ROBO2: variants seen among roughly 807,000 people sequenced by gnomAD.
The protein encoded by ROBO2 is roundabout guidance receptor 2, also known as roundabout homolog 2.
ROBO2 carries 53 observed loss-of-function variants against 160.8 expected under a neutral mutation model. The ratio of observed to expected loss-of-function variants is 0.33; its 90% confidence interval spans 0.26 to 0.41. The LOEUF is 0.41. Ranked by LOEUF, ROBO2 falls within the 10% of genes least tolerant of loss-of-function variation. ROBO2 has a pLI of 1.00. For synonymous variants in ROBO2, 664 were observed against 611.7 expected (o/e 1.09, Z -1.26); for missense variants, 1,577 against 1,722.4 (o/e 0.92, Z 1.49).
intron 2 of ROBO2, among the ~76,000 whole-genome samples, chr3:76,141,145 CTCTCTCTCTCTCTCTATATATATA>C (rs1360790219): frequency 5.1e-5 from 3 of 59,282 alleles, no homozygotes; most frequent in African/African-American, 2.2e-4. Context: ...CTCTCTCTCT[CTCTCTCTCTCTCTCTATATATATA>C]TATATATATA....
rs116702046 is a variant in ROBO2, at chr3:77,594,707, C to T, written c.2684-435C>T. ...TGTTTTTCTTGTTTCATTAGAACGA[C>T]GTAACATGTTGGAACTTTCCTGTTT... On this transcript the variant is annotated intron_variant, in intron 17 of 25. Transcript: ENST00000461745. 3.7e-3 allele frequency among the ~76,000 whole-genome samples: 567 copies of T among 152,210 alleles called. 4 individuals carry two copies. The highest frequency in any genetic ancestry group is 0.012 in the African/African-American group (511 of 41,570).
At position 77,127,628 on chromosome 3, in the gene ROBO2, C is replaced by T. The variant is rs577952302; in HGVS notation, c.388+29288C>T. Among the ~76,000 whole-genome samples, 100 of 152,042 alleles carry T rather than the reference C, an allele frequency of 6.6e-4. 1 individual carries two copies. The South Asian group carries it at 7.5e-3, about 11-fold the overall frequency. On this transcript the variant is annotated intron_variant, in intron 2 of 25. Coordinates refer to ENST00000461745, the Ensembl canonical transcript of ROBO2. The stretch of plus-strand genomic sequence containing the variant: ...AAATATCTATTGGGTATTTCTTATC[C>T]GCTAGTAAACTTAAAAAAGGTGTTC...
intron 2 of ROBO2, among the ~76,000 whole-genome samples, chr3:76,157,072 G>C (rs1166275168): frequency 2.0e-5 from 3 of 152,164 alleles, no homozygotes; most frequent in African/African-American, 4.8e-5. Context: ...TGAACAGAGA[G>C]AATTGATATC....
chr3:76,318,977 T>C (rs1180404401), intron 2 of ROBO2, among the ~76,000 whole-genome samples: 1 of 152,136 alleles, frequency 6.6e-6, no homozygotes, highest in Non-Finnish European at 1.5e-5. Flanking sequence ...TTTTAGCTGT[T>C]AAGGATTTTA....
intron 2 of ROBO2, among the ~76,000 whole-genome samples, chr3:76,833,847 T>C (rs1341460082): frequency 1.3e-5 from 2 of 152,196 alleles, no homozygotes; most frequent in Non-Finnish European, 2.9e-5. Context: ...TTAAAATGAA[T>C]TGAAATGCTT....
At chr3:76,843,840 A>G (rs2068526319) in intron 2 of ROBO2, among the ~76,000 whole-genome samples, 1 of 152,100 alleles carries the variant, frequency 6.6e-6, no homozygotes, top group South Asian at 2.1e-4. Flanking sequence ...TTTGCTGGAC[A>G]CAACTCTCAT....
chr3:76,362,991 G>A (rs1457775112), intron 2 of ROBO2, among the ~76,000 whole-genome samples: 1 of 151,882 alleles, frequency 6.6e-6, no homozygotes, highest in African/African-American at 2.4e-5. Flanking sequence ...CCTTTATTTC[G>A]ATGTTTCTTT....
At chr3:77,468,325 T>C (rs1435641188) in intron 2 of ROBO2, among the ~76,000 whole-genome samples, 2 of 152,166 alleles carry the variant, frequency 1.3e-5, no homozygotes, top group Non-Finnish European at 2.9e-5. Context: ...GAGACAGGCC[T>C]AGAGTCTGCC....
chr3:77,242,380 C>T (rs762459182), intron 2 of ROBO2, among the ~76,000 whole-genome samples: 16 of 151,878 alleles, frequency 1.1e-4, no homozygotes, highest in Non-Finnish European at 2.2e-4. Flanking sequence ...ACATCTTCCA[C>T]TGAAAAGAAA....
chr3:77,026,805 A>G (rs1384463673), intron 2 of ROBO2, among the ~76,000 whole-genome samples: 3 of 152,202 alleles, frequency 2.0e-5, no homozygotes, highest in African/African-American at 4.8e-5. Flanking sequence ...AAAAATTGTT[A>G]AGTGAATTGA....
chr3:76,618,845 A>T (rs1578586338), intron 2 of ROBO2, among the ~76,000 whole-genome samples: 1 of 151,864 alleles, frequency 6.6e-6, no homozygotes, highest in South Asian at 2.1e-4. Context: ...TAATTTTACT[A>T]TGTCACTATA....
At chr3:77,064,638 G>A (rs899245803) in intron 1 of ROBO2, among the ~76,000 whole-genome samples, 1 of 152,154 alleles carries the variant, frequency 6.6e-6, no homozygotes, top group Non-Finnish European at 1.5e-5. Context: ...TGGCATTAAG[G>A]TGTGAGCCAA....
chr3:77,397,387 T>C (rs2075380343), intron 2 of ROBO2, among the ~76,000 whole-genome samples: 1 of 152,180 alleles, frequency 6.6e-6, no homozygotes, highest in African/African-American at 2.4e-5. Context: ...GAGATATTTG[T>C]TTCTATAGTG....
At chr3:76,582,093 C>T (rs2085739432) in intron 2 of ROBO2, among the ~76,000 whole-genome samples, 1 of 152,106 alleles carries the variant, frequency 6.6e-6, no homozygotes, top group Non-Finnish European at 1.5e-5. Context: ...AATGGTGTGC[C>T]ATTGACCTGT....
chr3:76,681,692 T>A (rs1198248966), intron 2 of ROBO2, among the ~76,000 whole-genome samples: 1 of 152,044 alleles, frequency 6.6e-6, no homozygotes, highest in East Asian at 1.9e-4. Context: ...GTATGGAGAT[T>A]TGAATATAAG....
At chr3:75,990,844 G>A (rs2065545996) in intron 2 of ROBO2, among the ~76,000 whole-genome samples, 1 of 152,132 alleles carries the variant, frequency 6.6e-6, no homozygotes, top group Non-Finnish European at 1.5e-5. Context: ...GTGTCTGTGA[G>A]GGTCTTTCCA....
At chr3:75,913,088 C>T (rs1055824375) in intron 1 of ROBO2, among the ~76,000 whole-genome samples, 17 of 152,110 alleles carry the variant, frequency 1.1e-4, no homozygotes, top group African/African-American at 3.4e-4. Context: ...GGGGAGAATC[C>T]ATTCTCTTGC....
Position 77,097,223 on chromosome 3 carries a change from C to T in ROBO2, c.62-791C>T, listed in dbSNP as rs564242249. Reference sequence around the variant, plus strand: ...TAACTGTCATTTCCTTGTCCTTTTGCTGATGGTATCTCTTGGCATGATGCT... The same window carrying T: ...TAACTGTCATTTCCTTGTCCTTTTGTTGATGGTATCTCTTGGCATGATGCT... On this transcript the variant is annotated intron_variant, in intron 1 of 25. Transcript: ENST00000461745. Among the ~76,000 whole-genome samples, 25 of 152,266 alleles carry T rather than the reference C, an allele frequency of 1.6e-4. 1 individual carries two copies. The South Asian group carries it at 5.2e-3, about 32-fold the overall frequency.
chr3:76,573,236 A>G (rs964421008), intron 2 of ROBO2, among the ~76,000 whole-genome samples: 1 of 152,054 alleles, frequency 6.6e-6, no homozygotes, highest in African/African-American at 2.4e-5. Flanking sequence ...TTTCCCTGAT[A>G]TGTCTAAGAC....
Sources: gnomAD v4.1 joint callset for allele counts (sites outside exome capture counted in the v4.1 genomes callset) on GRCh38, gnomAD v4.1.1 for gene constraint, MANE v1.5 for transcripts, NCBI Gene and HGNC (gene_info 2026-07-23, HGNC 2026-07-21) for gene names.